ZEB2: variants seen among roughly 807,000 people sequenced by gnomAD.
ZEB2 encodes the protein zinc finger E-box binding homeobox 2.
ZEB2 carries 6 observed loss-of-function variants against 99.9 expected under a neutral mutation model. The ratio of observed to expected loss-of-function variants is 0.06; its 90% CI spans 0.03 to 0.12. The LOEUF (loss-of-function observed/expected upper bound fraction) is 0.12. Ranked by LOEUF, ZEB2 falls within the 10% of genes least tolerant of loss-of-function variation. The probability of loss-of-function intolerance (pLI) is 1.00; values close to 1 mark genes in which losing one functional copy is unlikely to be tolerated. For synonymous variants in ZEB2, 517 were observed against 542.5 expected (o/e 0.95, Z 0.65); for missense variants, 969 against 1,502.8 (o/e 0.64, Z 5.87).
At chr2:144,514,861 A>C (rs559634812) in intron 2 of ZEB2, among the ~76,000 whole-genome samples, 1 of 152,348 alleles carries the variant, frequency 6.6e-6, no homozygotes, top group African/African-American at 2.4e-5. Flanking sequence ...TCCACTTCTG[A>C]ATGTGGAGGC....
Position 144,389,404 on chromosome 2 carries a change from C to T in ZEB2, c.*47G>A. The stretch of plus-strand genomic sequence containing the variant: ...CACAGCAGTGTTTTCAAGCAGGTAA[C>T]AATACTACTGGAAAAAAAAATAGGA... On this transcript the variant is annotated 3_prime_UTR_variant, in exon 10 of 10. Coordinates refer to ENST00000627532, the MANE Select transcript of ZEB2 (RefSeq NM_014795.4). This position sits in a 1 kb window ranked among gnomAD's most constrained non-coding sequence, Gnocchi z 6.8. 1 of 1,602,230 alleles carries T rather than the reference C, an allele frequency of 6.2e-7. No homozygotes were observed. Among genetic ancestry groups the T allele is most frequent in the Non-Finnish European group, 8.6e-7 (1 of 1,169,506 alleles).
chr2:144,398,751 C>G lies in ZEB2; in HGVS notation c.2436G>C (p.Gln812His). Residue 812 changes from glutamine (Q) to histidine (H), a missense_variant, in exon 8 of 10, where the codon CAG becomes CAC. Gln to His is a conservative substitution (Grantham distance 24). Around this residue, in one of 8 missense-constraint regions of ZEB2, gnomAD observed 346 missense variants for 460.0 expected, o/e 0.75. Transcript: ENST00000627532. ...GTAATGACAAGTCTAAAGGCTCAGC[C>G]TGGAGCTCCTCAGAAGAGAAGCTGT... ...TPNSFSSEEL[Q>H]AEPLDLSLPK... 3 of 1,614,088 alleles carry G rather than the reference C, an allele frequency of 1.9e-6. No homozygotes were observed.
rs146870844 is a variant in ZEB2 at position 144,398,508 on chromosome 2, A to T, written c.2679T>A (p.Pro893=). The change falls in exon 8 of 10, where the codon CCT becomes CCA. Residue 893 remains proline (P), a synonymous_variant. Coordinates refer to ENST00000627532, the MANE Select transcript of ZEB2 (RefSeq NM_014795.4). ...VFSMNPFSAK[P]LYTALPPQSA... ...TTTGAGGTGGAAGAGCTGTGTATAAAGGTTTGGCACTAAATGGGTTCATGC... is the reference window on the plus strand; with the variant it reads ...TTTGAGGTGGAAGAGCTGTGTATAATGGTTTGGCACTAAATGGGTTCATGC... The T allele has an allele frequency of 1.2e-6, 2 of 1,614,034 alleles. No individual in the cohort carries two copies. The highest frequency in any genetic ancestry group is 1.7e-6 in the Non-Finnish European group (2 of 1,179,988).
intron 2 of ZEB2, chr2:144,462,429 CA>C (rs760004148): frequency 6.6e-6 from 1 of 152,012 alleles, no homozygotes; most frequent in Non-Finnish European, 1.5e-5. Context: ...CAAAAGAAAA[CA>C]AAAAACCAGG....
At chr2:144,470,036 C>T (rs1704333828) in intron 2 of ZEB2, among the ~76,000 whole-genome samples, 1 of 152,152 alleles carries the variant, frequency 6.6e-6, no homozygotes, top group Non-Finnish European at 1.5e-5. Context: ...GTGCCTGAAA[C>T]AGCTTATTTA....
chr2:144,437,528 G>GA (rs796912239), intron 2 of ZEB2, among the ~76,000 whole-genome samples: 10 of 152,092 alleles, frequency 6.6e-5, no homozygotes, highest in African/African-American at 2.4e-4. Flanking sequence ...GGGCTTTACA[G>GA]AAAAAATATG....
At position 144,400,283 on chromosome 2, in the gene ZEB2, T is replaced by C; in HGVS notation, c.917-13A>G. The C allele has an allele frequency of 1.2e-6, 2 of 1,604,770 alleles. No individual in the cohort carries two copies. The highest frequency in any genetic ancestry group is 1.7e-6 in the Non-Finnish European group (2 of 1,179,540). ...TAAGGTTTTTCACCTAAAATGATAATTAAAATTACCGTTACATTTCCTTGA... is the reference window on the plus strand; with the variant it reads ...TAAGGTTTTTCACCTAAAATGATAACTAAAATTACCGTTACATTTCCTTGA... On this transcript the variant is annotated splice_polypyrimidine_tract_variant and intron_variant, in intron 7 of 9. Transcript: ENST00000627532.
At chr2:144,498,814 A>G (rs1449374327) in intron 2 of ZEB2, among the ~76,000 whole-genome samples, 1 of 152,196 alleles carries the variant, frequency 6.6e-6, no homozygotes, top group African/African-American at 2.4e-5. Context: ...AGATACTCCC[A>G]GAGATCCCTT....
At chr2:144,511,995 C>G (rs771645192) in intron 2 of ZEB2, 84 of 1,287,072 alleles carry the variant, frequency 6.5e-5, no homozygotes, top group Non-Finnish European at 8.3e-5. Context: ...TCCTTTATCT[C>G]TTTGCTCTGA....
At chr2:144,438,442 A>G (rs923078733) in intron 2 of ZEB2, among the ~76,000 whole-genome samples, 8 of 151,932 alleles carry the variant, frequency 5.3e-5, no homozygotes, top group African/African-American at 1.9e-4. Flanking sequence ...ATAGAGTCAT[A>G]GGTCTTTAGA....
intron 2 of ZEB2, among the ~76,000 whole-genome samples, chr2:144,507,800 G>A (rs899323990): frequency 8.5e-5 from 13 of 152,142 alleles, no homozygotes; most frequent in Non-Finnish European, 4.4e-5. Context: ...GAAAAAATAT[G>A]CGCAGTTACT....
At chr2:144,403,800 T>G (rs1703345003) in intron 6 of ZEB2, 116 bp downstream of exon 6, 2 of 1,341,958 alleles carry the variant, frequency 1.5e-6, no homozygotes, top group South Asian at 1.2e-5. Flanking sequence ...CTATTACCAT[T>G]AAAAGATCTG....
chr2:144,386,315 A>G lies in ZEB2; in HGVS notation c.*3136T>C, dbSNP rs1371329451. ...GAGAAGAATCTTAAGACAAATCAAA[A>G]GTTTTTATTTTTCCCTAGAGTTAGA... On this transcript the variant is annotated 3_prime_UTR_variant, in exon 10 of 10. Transcript: ENST00000627532. 1 of 152,148 alleles carries G rather than the reference A, an allele frequency of 6.6e-6. No individual in the cohort carries two copies. Among genetic ancestry groups the G allele is most frequent in the East Asian group, 1.9e-4 (1 of 5,198 alleles). 9.4% of individuals were successfully genotyped at this position (152,148 alleles called of 1,614,324 possible).
intron 4 of ZEB2, among the ~76,000 whole-genome samples, chr2:144,410,421 GATA>G (rs750424166): frequency 6.6e-6 from 1 of 152,138 alleles, no homozygotes; most frequent in Non-Finnish European, 1.5e-5. Context: ...TTTTCAGACA[GATA>G]ATAATAAATA....
intron 2 of ZEB2, chr2:144,496,248 G>A (rs1331807141): frequency 6.6e-6 from 1 of 152,176 alleles, no homozygotes; most frequent in Non-Finnish European, 1.5e-5. Flanking sequence ...TTCCTCATAA[G>A]GCCGAGGAAG....
At chr2:144,518,610 G>C (rs996787907) in intron 1 of ZEB2, 1 of 152,236 alleles carries the variant, frequency 6.6e-6, no homozygotes, top group African/African-American at 2.4e-5. Context: ...GCTGAGAGGG[G>C]TGAAGGGAGG....
At chr2:144,479,689 G>A (rs946222131) in intron 2 of ZEB2, among the ~76,000 whole-genome samples, 1 of 110,572 alleles carries the variant, frequency 9.0e-6, no homozygotes, top group African/African-American at 3.2e-5. Context: ...TTTTTGGGGG[G>A]GGGGGCGGGG....
intron 3 of ZEB2, chr2:144,428,138 CTTACCCTTG>C (rs1703714132): frequency 1.3e-5 from 2 of 152,030 alleles, no homozygotes; most frequent in Admixed American, 1.3e-4. Flanking sequence ...GTAATTGGTC[CTTACCCTTG>C]ATTTCTAGAT....
intron 2 of ZEB2, among the ~76,000 whole-genome samples, chr2:144,506,533 A>C (rs1228284998): frequency 2.9e-4 from 44 of 152,224 alleles, no homozygotes; most frequent in Non-Finnish European, 1.0e-4. Flanking sequence ...GGTGTCTAAA[A>C]TAGAAACTTA....
Sources: allele counts gnomAD v4.1 joint callset (sites outside exome capture counted in the v4.1 genomes callset), GRCh38; gene constraint gnomAD v4.1.1; regional missense constraint gnomAD v4.1.1; non-coding constraint Gnocchi (gnomAD v3.1); transcripts MANE v1.5; gene names NCBI Gene and HGNC (gene_info 2026-07-23, HGNC 2026-07-21).